GPC5: variants seen among roughly 807,000 people sequenced by gnomAD.
GPC5 encodes glypican-5.
A neutral mutation model predicts 53.9 loss-of-function variants in GPC5; 47 were observed. The observed-to-expected ratio is 0.87, with a 90% CI of 0.69 to 1.11. The LOEUF is 1.11. Among genes scored for constraint, GPC5 ranks in the 50% most tolerant of loss-of-function variants. GPC5 has a pLI of 0.00. For synonymous variants in GPC5, 286 were observed against 263.3 expected (o/e 1.09, Z -0.84); for missense variants, 748 against 713.1 (o/e 1.05, Z -0.56).
intron 2 of GPC5, among the ~76,000 whole-genome samples, chr13:91,657,301 A>C (rs2034870051): frequency 6.6e-6 from 1 of 152,138 alleles, no homozygotes; most frequent in Admixed American, 6.6e-5. Context: ...AGTAAAGGAA[A>C]GGGAGAAATC....
intron 7 of GPC5, among the ~76,000 whole-genome samples, chr13:92,167,612 A>G (rs1432713532): frequency 2.0e-5 from 3 of 152,200 alleles, no homozygotes; most frequent in African/African-American, 7.2e-5. Flanking sequence ...AAAACAATGA[A>G]AAAGAAATTG....
chr13:92,376,271 G>T (rs2043692889), intron 7 of GPC5, among the ~76,000 whole-genome samples: 1 of 152,152 alleles, frequency 6.6e-6, no homozygotes, highest in Non-Finnish European at 1.5e-5. Flanking sequence ...TGAGGATTTA[G>T]TTGAGATTTA....
At chr13:92,573,776 C>T (rs929985221) in intron 7 of GPC5, among the ~76,000 whole-genome samples, 1 of 152,166 alleles carries the variant, frequency 6.6e-6, no homozygotes, top group Non-Finnish European at 1.5e-5. Context: ...AGCCTAGTAA[C>T]TCCTTCCTAC....
intron 5 of GPC5, among the ~76,000 whole-genome samples, chr13:91,879,707 T>C (rs967002210): frequency 7.9e-5 from 12 of 152,154 alleles, no homozygotes; most frequent in Non-Finnish European, 1.6e-4. Context: ...TTTCAACATA[T>C]GAATTTGAGA....
intron 4 of GPC5, among the ~76,000 whole-genome samples, chr13:91,732,999 A>G (rs2036735096): frequency 6.6e-6 from 1 of 152,164 alleles, no homozygotes. Flanking sequence ...TGTCTTGGCT[A>G]TACGGGCTCT....
At chr13:92,052,662 A>T (rs780152937) in intron 6 of GPC5, among the ~76,000 whole-genome samples, 51 of 152,160 alleles carry the variant, frequency 3.4e-4, no homozygotes, top group Middle Eastern at 6.3e-3. Flanking sequence ...CAGAGTGCTG[A>T]TTGGTGAGTT....
chr13:92,497,985 T>C (rs1403231582), intron 7 of GPC5, among the ~76,000 whole-genome samples: 1 of 152,074 alleles, frequency 6.6e-6, no homozygotes, highest in East Asian at 1.9e-4. Context: ...TTAAGGAGTT[T>C]TGGGGCTGAG....
chr13:92,391,072 T>G (rs1177667230), intron 7 of GPC5, among the ~76,000 whole-genome samples: 1 of 152,154 alleles, frequency 6.6e-6, no homozygotes, highest in Non-Finnish European at 1.5e-5. Context: ...TTAATTTGCT[T>G]TGTATAAACA....
chr13:91,655,127 A>T (rs192818516), intron 2 of GPC5, among the ~76,000 whole-genome samples: 2 of 152,168 alleles, frequency 1.3e-5, no homozygotes, highest in South Asian at 2.1e-4. Context: ...CAATTTTTAC[A>T]TATAGATTTA....
chr13:92,427,943 T>G (rs1489817677), intron 7 of GPC5, among the ~76,000 whole-genome samples: 2 of 152,140 alleles, frequency 1.3e-5, no homozygotes, highest in Middle Eastern at 3.2e-3. Context: ...ATTTAAGTGA[T>G]CTTTCAAGAC....
At chr13:92,135,611 G>C (rs994858208) in intron 6 of GPC5, among the ~76,000 whole-genome samples, 1 of 152,126 alleles carries the variant, frequency 6.6e-6, no homozygotes, top group East Asian at 1.9e-4. Context: ...TAACCTCTGG[G>C]CAGTATTAGA....
intron 7 of GPC5, among the ~76,000 whole-genome samples, chr13:92,280,342 A>G (rs1210770607): frequency 6.6e-6 from 1 of 151,998 alleles, no homozygotes; most frequent in Non-Finnish European, 1.5e-5. Flanking sequence ...TTTCTACTTT[A>G]TCTTTGATTT....
chr13:92,320,958 A>G (rs1025170229), intron 7 of GPC5, among the ~76,000 whole-genome samples: 3 of 152,194 alleles, frequency 2.0e-5, no homozygotes, highest in Admixed American at 2.0e-4. Flanking sequence ...GTATTTTATT[A>G]AATTTGAAAT....
intron 2 of GPC5, among the ~76,000 whole-genome samples, chr13:91,462,463 T>C (rs1192568688): frequency 6.6e-6 from 1 of 152,184 alleles, no homozygotes; most frequent in Non-Finnish European, 1.5e-5. Flanking sequence ...ATTTAAGATG[T>C]CACTGAATTA....
At chr13:92,136,843 A>G (rs905577082) in intron 6 of GPC5, among the ~76,000 whole-genome samples, 3 of 152,242 alleles carry the variant, frequency 2.0e-5, no homozygotes, top group Admixed American at 6.5e-5. Flanking sequence ...AACTGATTCT[A>G]TTGAGAAATT....
intron 7 of GPC5, among the ~76,000 whole-genome samples, chr13:92,639,318 T>C (rs1224615199): frequency 1.3e-5 from 2 of 152,234 alleles, no homozygotes; most frequent in Non-Finnish European, 2.9e-5. Flanking sequence ...TAAAAGCTTC[T>C]AAAAAACTAT....
At chr13:91,656,765 TA>T (rs1405046683) in intron 2 of GPC5, among the ~76,000 whole-genome samples, 2 of 152,182 alleles carry the variant, frequency 1.3e-5, no homozygotes, top group Non-Finnish European at 2.9e-5. Flanking sequence ...TGGATAATTT[TA>T]AAAATCACAT....
At chr13:91,921,520 G>A (rs1248143585) in intron 6 of GPC5, among the ~76,000 whole-genome samples, 1 of 152,068 alleles carries the variant, frequency 6.6e-6, no homozygotes, top group Non-Finnish European at 1.5e-5. Context: ...GAAAAACTAT[G>A]CAAATGGATA....
intron 7 of GPC5, among the ~76,000 whole-genome samples, chr13:92,733,231 A>T (rs1157248390): frequency 6.6e-6 from 1 of 151,732 alleles, no homozygotes; most frequent in East Asian, 1.9e-4. Flanking sequence ...CACAATGAAG[A>T]TGTAGAGGAG....
Sources: allele counts gnomAD v4.1 joint callset (sites outside exome capture counted in the v4.1 genomes callset), GRCh38; gene constraint gnomAD v4.1.1; transcripts MANE v1.5; gene names NCBI Gene and HGNC (gene_info 2026-07-23, HGNC 2026-07-21).